TMEFF1: variants seen among roughly 807,000 people sequenced by gnomAD.
TMEFF1 encodes tomoregulin-1.
A neutral mutation model predicts 47.5 loss-of-function variants in TMEFF1; 20 were observed. The observed-to-expected ratio is 0.42, with a 90% CI of 0.30 to 0.61. The LOEUF is 0.61. TMEFF1 is among the 20% of genes least tolerant of loss of function. The pLI is 0.19. For missense variants in TMEFF1, 411 were observed against 471.1 expected, an observed-to-expected ratio of 0.87 and a Z score of 1.18; for synonymous variants, 162 against 166.3, an observed-to-expected ratio of 0.97 and a Z score of 0.20.
chr9:100,500,983 T>C (rs1033506235), intron 2 of TMEFF1, among the ~76,000 whole-genome samples: 1 of 152,138 alleles, frequency 6.6e-6, no homozygotes, highest in South Asian at 2.1e-4. Context: ...GGTTTAGGGG[T>C]CTGCCAGAAA....
At chr9:100,573,077 C>A (rs1839278923) in intron 9 of TMEFF1, among the ~76,000 whole-genome samples, 2 of 151,434 alleles carry the variant, frequency 1.3e-5, no homozygotes, top group South Asian at 4.2e-4. Context: ...AATTCCTGGG[C>A]TCAAGTGGTC....
chr9:100,523,655 A>G (rs1410932550), intron 5 of TMEFF1, among the ~76,000 whole-genome samples: 1 of 152,334 alleles, frequency 6.6e-6, no homozygotes, highest in Non-Finnish European at 1.5e-5. Context: ...AATTAGTTTA[A>G]GCCAATGTTT....
At chr9:100,536,352 T>G (rs1478391642) in intron 5 of TMEFF1, among the ~76,000 whole-genome samples, 1 of 152,184 alleles carries the variant, frequency 6.6e-6, no homozygotes, top group East Asian at 1.9e-4. Flanking sequence ...TGAAAGTGGT[T>G]ATTGCATGAT....
At chr9:100,567,940 G>C (rs978248603) in intron 8 of TMEFF1, among the ~76,000 whole-genome samples, 4 of 152,168 alleles carry the variant, frequency 2.6e-5, no homozygotes, top group Non-Finnish European at 5.9e-5. Flanking sequence ...CCAGTAAAGA[G>C]AGGGCCTGTG....
rs138984618 is a variant in TMEFF1, at chr9:100,562,295, C to G, written c.899+775C>G. On this transcript the variant is annotated intron_variant, in intron 8 of 9. Coordinates refer to ENST00000374879, the MANE Select transcript of TMEFF1 (RefSeq NM_003692.5). ...CAAAACATCGAAACATGGAGAAATA[C>G]TATACTTTTCTTTTGTTTGGTCCAC... Among the ~76,000 whole-genome samples, 190 of 152,104 alleles carry G rather than the reference C, an allele frequency of 1.2e-3. 3 individuals are homozygous for G. In the East Asian group the frequency reaches 0.031, roughly 25 times the overall value.
intron 8 of TMEFF1, among the ~76,000 whole-genome samples, chr9:100,566,981 C>A (rs1024364042): frequency 1.3e-5 from 2 of 152,254 alleles, no homozygotes; most frequent in Middle Eastern, 3.4e-3. Flanking sequence ...GAATTCCTGA[C>A]CTCAGGTGAT....
chr9:100,496,544 G>T (rs1837652798), intron 1 of TMEFF1, among the ~76,000 whole-genome samples: 1 of 152,170 alleles, frequency 6.6e-6, no homozygotes, highest in Non-Finnish European at 1.5e-5. Context: ...CCAGCCAGTG[G>T]GACCAAGCTT....
At chr9:100,485,380 T>C (rs151106486) in intron 1 of TMEFF1, among the ~76,000 whole-genome samples, 54 of 152,350 alleles carry the variant, frequency 3.5e-4, no homozygotes, top group Middle Eastern at 3.4e-3. Flanking sequence ...TTTTGAAGAT[T>C]TGCCAAACTG....
intron 5 of TMEFF1, among the ~76,000 whole-genome samples, chr9:100,522,430 CTTTTTTTTTTTTT>C (rs869111876): frequency 1.4e-5 from 1 of 69,650 alleles, no homozygotes; most frequent in Non-Finnish European, 2.6e-5. Flanking sequence ...GAAATATCTT[CTTTTTTTTTTTTT>C]TTTTTTTTTT....
chr9:100,523,932 A>G (rs146375068), intron 5 of TMEFF1, among the ~76,000 whole-genome samples: 5 of 152,302 alleles, frequency 3.3e-5, no homozygotes, highest in Admixed American at 3.3e-4. Flanking sequence ...GAATTTATGC[A>G]TTCATTTATG....
At chr9:100,545,039 T>C (rs1199641828) in intron 5 of TMEFF1, among the ~76,000 whole-genome samples, 3 of 152,200 alleles carry the variant, frequency 2.0e-5, no homozygotes, top group African/African-American at 7.2e-5. Context: ...TTGGCTGCTT[T>C]CATGGGCTGG....
Position 100,490,645 on chromosome 9 carries a change from C to T in TMEFF1, c.197-8120C>T, listed in dbSNP as rs72735143. On this transcript the variant is annotated intron_variant, in intron 1 of 9. Coordinates refer to ENST00000374879, the MANE Select transcript of TMEFF1 (RefSeq NM_003692.5). ...GCCCTTCCTGATATCTAAACTTATGCTTCGTCTGTGGTATAGCAAACTGTC... is the reference window on the plus strand; with the variant it reads ...GCCCTTCCTGATATCTAAACTTATGTTTCGTCTGTGGTATAGCAAACTGTC... Among the ~76,000 whole-genome samples, 565 of 151,636 alleles carry T rather than the reference C, an allele frequency of 3.7e-3. 1 individual carries two copies. The highest frequency in any genetic ancestry group is 5.1e-3 in the Non-Finnish European group (348 of 67,952).
At chr9:100,574,536 T>A (rs529305991) in intron 9 of TMEFF1, among the ~76,000 whole-genome samples, 2 of 152,172 alleles carry the variant, frequency 1.3e-5, no homozygotes, top group African/African-American at 4.8e-5. Context: ...CATGCCTTGC[T>A]AATTTTTGTA....
chr9:100,576,163 G>T (rs1839348975), intron 9 of TMEFF1, among the ~76,000 whole-genome samples: 1 of 152,116 alleles, frequency 6.6e-6, no homozygotes, highest in African/African-American at 2.4e-5. Flanking sequence ...CCTGTCAGGG[G>T]TTTCATGTTA....
At chr9:100,505,795 C>A (rs1033057696) in intron 2 of TMEFF1, among the ~76,000 whole-genome samples, 2 of 152,280 alleles carry the variant, frequency 1.3e-5, no homozygotes, top group Non-Finnish European at 2.9e-5. Flanking sequence ...CACAACACTA[C>A]GTTAGAAAGT....
chr9:100,485,739 A>G (rs1287350651), intron 1 of TMEFF1, among the ~76,000 whole-genome samples: 7 of 152,316 alleles, frequency 4.6e-5, no homozygotes, highest in Non-Finnish European at 4.4e-5. Context: ...TTCTATTATT[A>G]GCTTCTTGAG....
chr9:100,497,059 A>C (rs1837663065), intron 1 of TMEFF1, among the ~76,000 whole-genome samples: 1 of 152,150 alleles, frequency 6.6e-6, no homozygotes, highest in Non-Finnish European at 1.5e-5. Context: ...GACCTTGTCC[A>C]AGTTCCTAGC....
At chr9:100,510,035 A>G (rs1018978173) in intron 3 of TMEFF1, among the ~76,000 whole-genome samples, 1 of 152,272 alleles carries the variant, frequency 6.6e-6, no homozygotes, top group African/African-American at 2.4e-5. Flanking sequence ...GGTAAAGGTG[A>G]AGGCCATTCT....
At chr9:100,550,230 C>G (rs1321197876) in intron 7 of TMEFF1, 70 bp downstream of exon 7, 110 of 1,500,924 alleles carry the variant, frequency 7.3e-5, no homozygotes, top group Non-Finnish European at 9.8e-5. Flanking sequence ...CTTATTAGTT[C>G]TGTTTCCATT....
Sources: allele counts gnomAD v4.1 joint callset (sites outside exome capture counted in the v4.1 genomes callset), GRCh38; gene constraint gnomAD v4.1.1; transcripts MANE v1.5; gene names NCBI Gene and HGNC (gene_info 2026-07-23, HGNC 2026-07-21).